LCP2: variants seen among roughly 807,000 people sequenced by gnomAD.
LCP2 encodes the protein 76 kDa tyrosine phosphoprotein.
In LCP2, 29 loss-of-function variants were observed where a neutral mutation model predicts 74.5. The ratio of observed to expected loss-of-function variants is 0.39; its 90% confidence interval spans 0.29 to 0.53. The LOEUF (loss-of-function observed/expected upper bound fraction) is 0.53, where lower values mean the gene tolerates loss of function less well. Ranked by LOEUF, LCP2 falls within the 20% of genes least tolerant of loss-of-function variation. The pLI, the probability that LCP2 is intolerant of heterozygous loss-of-function variation, is 0.72. For missense variants in LCP2, 604 were observed against 634.6 expected, an observed-to-expected ratio of 0.95 and a Z score of 0.52; for synonymous variants, 228 against 229.5, an observed-to-expected ratio of 0.99 and a Z score of 0.06.
intron 19 of LCP2, 81 bp from the exon 20 acceptor site, chr5:170,250,966 T>G: frequency 1.8e-6 from 2 of 1,117,652 alleles, no homozygotes; most frequent in East Asian, 2.4e-5. Flanking sequence ...GACAAGCCTC[T>G]AGGGATCTGA....
At position 170,297,691 on chromosome 5, in the gene LCP2, G is replaced by C. The variant is rs1270813310; in HGVS notation, c.-80C>G. ...GCAGAGAAGCTCAAATCCAGAGCTC[G>C]GAGGCGTTCTTGGCTCTTCCAACTC... On this transcript the variant is annotated 5_prime_UTR_variant, in exon 1 of 21. Coordinates refer to ENST00000046794, the MANE Select transcript of LCP2 (RefSeq NM_005565.5). 6 of 1,274,528 alleles carry C rather than the reference G, an allele frequency of 4.7e-6. No individual in the cohort carries two copies. The highest frequency in any genetic ancestry group is 2.2e-5 in the Admixed American group (1 of 45,422). The allele number at this position is 1,274,528 out of a possible 1,614,324, so 79.0% of individuals were successfully genotyped here. A position where few individuals can be genotyped will look rare whatever the true frequency, so the allele number is the denominator to read the frequency against.
rs373248872 is a variant in LCP2 at position 170,267,061 on chromosome 5, G to A, written c.636C>T (p.Pro212=). ...TGCTGGGTTCTTCGTGGTTGGTCTG[G>A]GGTGGGGGCAGTGGCTGCATAAAGA... is the stretch of plus-strand genomic sequence containing the variant. ...AGRNHSPLPP[P]QTNHEEPSRS... is the part of the protein sequence containing the mutation. The change falls in exon 9 of 21, where the codon CCC becomes CCT. Residue 212 remains proline, a synonymous_variant. Coordinates refer to ENST00000046794, the MANE Select transcript of LCP2 (RefSeq NM_005565.5). 1.2e-6 allele frequency: 2 copies of A among 1,613,790 alleles called. No individual in the cohort carries two copies. Among genetic ancestry groups the A allele is most frequent in the Non-Finnish European group, 1.7e-6 (2 of 1,179,882 alleles).
chr5:170,295,826 T>C lies in LCP2; in HGVS notation c.78+1708A>G, dbSNP rs886631345. 3.9e-5 allele frequency among the ~76,000 whole-genome samples: 6 copies of C among 152,190 alleles called. No individual in the cohort carries two copies. The East Asian group carries it at 1.2e-3, about 29-fold the overall frequency. On this transcript the variant is annotated intron_variant, in intron 1 of 20. Transcript: ENST00000046794. ...CTAGTTTCTTCCCTCAGTCCATTTA[T>C]GGCAGAAGAAGGAACCTGCCTGGGT...
At chr5:170,276,620 C>A (rs572556162) in intron 3 of LCP2, among the ~76,000 whole-genome samples, 4 of 152,164 alleles carry the variant, frequency 2.6e-5, no homozygotes, top group Non-Finnish European at 4.4e-5. Flanking sequence ...GGAGCTGGGG[C>A]AGGAGGGCTT....
At chr5:170,269,302 C>T (rs1286578768) in intron 7 of LCP2, among the ~76,000 whole-genome samples, 1 of 152,220 alleles carries the variant, frequency 6.6e-6, no homozygotes, top group Non-Finnish European at 1.5e-5. Flanking sequence ...CAGGACAAGA[C>T]CATCAAGCAA....
At chr5:170,297,466 C>T (rs1762410353) in intron 1 of LCP2, 68 bp downstream of exon 1, 1 of 1,396,366 alleles carries the variant, frequency 7.2e-7, no homozygotes, top group Admixed American at 1.9e-5. Context: ...CCAATTCCAT[C>T]GTCAAGCCTC....
intron 4 of LCP2, 161 bp downstream of exon 4, chr5:170,275,634 G>A: frequency 1.5e-6 from 1 of 689,182 alleles, no homozygotes; most frequent in Non-Finnish European, 2.5e-6. Context: ...CAGAGCAGGG[G>A]AGGGAACCCC....
chr5:170,260,651 G>A (rs569797415), intron 14 of LCP2, among the ~76,000 whole-genome samples: 3 of 152,342 alleles, frequency 2.0e-5, no homozygotes, highest in Admixed American at 6.5e-5. Context: ...CTCGCAAACA[G>A]GGACAACTGG....
chr5:170,284,958 C>A (rs1026913012), intron 3 of LCP2, among the ~76,000 whole-genome samples: 1 of 152,052 alleles, frequency 6.6e-6, no homozygotes, highest in Non-Finnish European at 1.5e-5. Flanking sequence ...GTCATGTTGG[C>A]CAGGCTGGTC....
chr5:170,287,932 T>C (rs756123920), intron 3 of LCP2, 38 bp downstream of exon 3: 37 of 1,597,328 alleles, frequency 2.3e-5, no homozygotes, highest in Non-Finnish European at 6.9e-6. Context: ...TTCCCACCTC[T>C]GCTCCCAGAT....
chr5:170,275,973 G>C (rs1762000111), intron 3 of LCP2, 113 bp from the exon 4 acceptor site: 1 of 829,424 alleles, frequency 1.2e-6, no homozygotes, highest in South Asian at 1.5e-5. Context: ...GGCCAACTTT[G>C]GCCAGGCTCC....
chr5:170,287,329 G>A (rs1762199649), intron 3 of LCP2, among the ~76,000 whole-genome samples: 1 of 152,160 alleles, frequency 6.6e-6, no homozygotes, highest in Admixed American at 6.5e-5. Context: ...TTTTCAACCT[G>A]ACCAATTTTA....
intron 2 of LCP2, among the ~76,000 whole-genome samples, chr5:170,290,933 A>G (rs1284229223): frequency 1.5e-5 from 2 of 130,414 alleles, no homozygotes; most frequent in African/African-American, 5.5e-5. Context: ...GAAGAGAGAG[A>G]AAGAAGAAAG....
intron 10 of LCP2, among the ~76,000 whole-genome samples, chr5:170,264,137 C>A (rs993032513): frequency 6.6e-6 from 1 of 152,180 alleles, no homozygotes; most frequent in Non-Finnish European, 1.5e-5. Context: ...AACTTGCCAG[C>A]CCCCAGAACC....
chr5:170,269,596 C>A (rs938991556), intron 7 of LCP2, among the ~76,000 whole-genome samples: 4 of 152,240 alleles, frequency 2.6e-5, no homozygotes, highest in Non-Finnish European at 5.9e-5. Context: ...TTGTATTTAT[C>A]CTTTAACCTT....
intron 14 of LCP2, among the ~76,000 whole-genome samples, chr5:170,259,338 A>G (rs1423659717): frequency 6.6e-6 from 1 of 152,188 alleles, no homozygotes; most frequent in African/African-American, 2.4e-5. Flanking sequence ...ATGTCTGACC[A>G]AAGCTCAGTC....
chr5:170,279,803 G>A (rs558063914), intron 3 of LCP2, among the ~76,000 whole-genome samples: 44 of 152,280 alleles, frequency 2.9e-4, no homozygotes, highest in Admixed American at 1.3e-3. Flanking sequence ...GGGGGTATGC[G>A]GGGCCTTAGC....
chr5:170,269,587 T>A (rs1761855717), intron 7 of LCP2, among the ~76,000 whole-genome samples: 1 of 152,248 alleles, frequency 6.6e-6, no homozygotes. Context: ...TTGGCCAACT[T>A]GTATTTATCC....
At chr5:170,253,507 A>G (rs562480279) in intron 17 of LCP2, among the ~76,000 whole-genome samples, 21 of 152,356 alleles carry the variant, frequency 1.4e-4, no homozygotes, top group African/African-American at 4.8e-4. Flanking sequence ...AGATCCCTTT[A>G]TAAAAAAATT....
Sources: gnomAD v4.1 joint callset for allele counts (sites outside exome capture counted in the v4.1 genomes callset) on GRCh38, gnomAD v4.1.1 for gene constraint, MANE v1.5 for transcripts, NCBI Gene and HGNC (gene_info 2026-07-23, HGNC 2026-07-21) for gene names.